The following OPHN1 variants were observed in gnomAD, a reference collection of about 807,000 sequenced individuals.
The protein encoded by OPHN1 is oligophrenin-1.
A neutral mutation model predicts 60.7 loss-of-function variants in OPHN1; 11 were observed. The observed-to-expected ratio is 0.18, with a 90% CI of 0.11 to 0.30. The LOEUF is 0.30. OPHN1 is among the 10% of genes least tolerant of loss of function. The pLI, the probability that OPHN1 is intolerant of heterozygous loss-of-function variation, is 1.00. For missense variants in OPHN1, 449 were observed against 611.0 expected (o/e 0.73, Z 2.80); for synonymous variants, 226 against 222.6 (o/e 1.02, Z -0.14).
intron 18 of OPHN1, among the ~76,000 whole-genome samples, chrX:68,099,010 T>C: frequency 9.0e-6 from 1 of 111,378 alleles, no homozygotes; most frequent in South Asian, 3.9e-4. Flanking sequence ...TGCCTGCTTG[T>C]CTAACTTTTC....
intron 2 of OPHN1, among the ~76,000 whole-genome samples, chrX:68,308,588 T>C (rs1008389246): frequency 9.6e-6 from 1 of 104,275 alleles, no homozygotes; most frequent in African/African-American, 3.7e-5. Context: ...TGAGACCCCA[T>C]CTCACGAAAA....
intron 2 of OPHN1, among the ~76,000 whole-genome samples, chrX:68,332,804 A>G (rs1371436385): frequency 1.1e-5 from 1 of 94,486 alleles, no homozygotes; most frequent in Admixed American, 1.1e-4. Context: ...ATGGAAATTA[A>G]AAAAAAAAAA....
chrX:68,359,403 A>G (rs1268808631), intron 2 of OPHN1, among the ~76,000 whole-genome samples: 1 of 111,464 alleles, frequency 9.0e-6, no homozygotes, highest in African/African-American at 3.3e-5. Flanking sequence ...GTGAGGCAGC[A>G]CAAAAGATCA....
intron 2 of OPHN1, among the ~76,000 whole-genome samples, chrX:68,426,173 T>C (rs1019239298): frequency 1.8e-5 from 2 of 110,017 alleles, no homozygotes; most frequent in Non-Finnish European, 3.8e-5. Context: ...GGGCACAGTG[T>C]CTCACGCCTG....
chrX:68,135,961 G>A (rs1314016079), intron 15 of OPHN1, among the ~76,000 whole-genome samples: 2 of 111,465 alleles, frequency 1.8e-5, no homozygotes, highest in East Asian at 5.6e-4. Context: ...TGCCAAATAA[G>A]AAATTACATA....
chrX:68,101,781 T>C (rs894819252), intron 18 of OPHN1, among the ~76,000 whole-genome samples: 101 of 112,425 alleles, frequency 9.0e-4, no homozygotes, highest in Non-Finnish European at 2.6e-4. Context: ...AATATAGCAA[T>C]GGTTAATCTT....
rs1212608640 is a variant in OPHN1 at position 68,194,079 on chromosome X, C to G, written c.1139-127G>C. ...TTTTTAGTTGCTCATTTCTAGTCAC[C>G]CTTAAATGGAAAGAGTCATTTTTTC... On this transcript the variant is annotated intron_variant, in intron 13 of 24. Transcript: ENST00000355520. 5 of 561,841 alleles carry G rather than the reference C, an allele frequency of 8.9e-6. No homozygotes were observed. In the East Asian group the frequency reaches 1.1e-4, roughly 12 times the overall value. The allele number at this position is 561,841 out of a possible 1,213,427, so 46.3% of individuals were successfully genotyped here. A position where few individuals can be genotyped will look rare whatever the true frequency, so the allele number is the denominator to read the frequency against.
chrX:68,177,991 T>G (rs988936852), intron 15 of OPHN1, among the ~76,000 whole-genome samples: 11 of 111,840 alleles, frequency 9.8e-5, no homozygotes, highest in Non-Finnish European at 1.9e-4. Context: ...ATTATCTCAA[T>G]TAGAAAAGTT....
At chrX:68,274,838 A>G in intron 4 of OPHN1, 29 bp from the exon 5 acceptor site, 6 of 1,075,412 alleles carry the variant, frequency 5.6e-6, no homozygotes, top group Non-Finnish European at 7.7e-6. Context: ...CAAACAAAAC[A>G]ATTTCTAGGT....
chrX:68,194,547 T>C, intron 12 of OPHN1, 49 bp from the exon 13 acceptor site: 1 of 1,014,247 alleles, frequency 9.9e-7, no homozygotes, highest in Non-Finnish European at 1.4e-6. Flanking sequence ...TCAATCAATA[T>C]AGGAAAACAG....
intron 2 of OPHN1, among the ~76,000 whole-genome samples, chrX:68,396,617 C>T (rs2078686085): frequency 9.2e-6 from 1 of 108,775 alleles, no homozygotes; most frequent in African/African-American, 3.3e-5. Context: ...GAGTTTGAGA[C>T]CAGCCTGGCC....
chrX:68,098,312 G>C (rs2077045279), intron 18 of OPHN1, among the ~76,000 whole-genome samples: 1 of 111,781 alleles, frequency 8.9e-6, no homozygotes, highest in African/African-American at 3.3e-5. Flanking sequence ...CCACACAGCA[G>C]GTACTAATGA....
upstream of OPHN1, chrX:68,433,650 G>C (rs2078897519): frequency 6.8e-6 from 2 of 295,998 alleles, no homozygotes; most frequent in Admixed American, 6.1e-5. Flanking sequence ...TCCTGACCAG[G>C]GCCCGCTGGC....
chrX:68,337,065 A>C (rs1177141400), intron 2 of OPHN1, among the ~76,000 whole-genome samples: 1 of 110,762 alleles, frequency 9.0e-6, no homozygotes, highest in Non-Finnish European at 1.9e-5. Context: ...TGTCCCAAAA[A>C]AAAGAAGTAA....
rs765345510 is a variant in OPHN1 at position 68,066,059 on chromosome X, A to G, written c.1835-1882T>C. On this transcript the variant is annotated intron_variant, in intron 20 of 24. Coordinates refer to ENST00000355520, the MANE Select transcript of OPHN1 (RefSeq NM_002547.3). ...TCAAACAAAAAACTACCAAAGGCTC[A>G]CAAATAATGGCATGAACATGAGCAC... 8.9e-5 allele frequency among the ~76,000 whole-genome samples: 10 copies of G among 112,440 alleles called. No individual in the cohort carries two copies. The South Asian group carries it at 3.7e-3, about 42-fold the overall frequency.
intron 2 of OPHN1, among the ~76,000 whole-genome samples, chrX:68,416,033 AATATATATATATATATATATATAT>A (rs1163304135): frequency 3.4e-5 from 1 of 29,775 alleles, no homozygotes; most frequent in Non-Finnish European, 6.8e-5. Flanking sequence ...AAAATTATAT[AATATATATATATATATATATATAT>A]ATATATATAT....
intron 18 of OPHN1, among the ~76,000 whole-genome samples, chrX:68,102,408 C>T (rs6525212): frequency 0.14 from 15,095 of 111,257 alleles, 911 homozygotes; most frequent in East Asian, 0.37. Context: ...ATTAAATGTC[C>T]ACAGGAGAAA....
intron 15 of OPHN1, among the ~76,000 whole-genome samples, chrX:68,179,458 A>T (rs2077427616): frequency 8.9e-6 from 1 of 112,272 alleles, no homozygotes; most frequent in Non-Finnish European, 1.9e-5. Context: ...AGCAAACTTG[A>T]GTCAGATTCC....
Position 68,044,391 on chromosome X carries a change from AAT to A in OPHN1, c.*2779_*2780del, listed in dbSNP as rs2076825944. 1 of 112,790 alleles carries A rather than the reference AAT, an allele frequency of 8.9e-6. No individual in the cohort carries two copies. The highest frequency in any genetic ancestry group is 1.9e-5 in the Non-Finnish European group (1 of 53,396). 9.3% of individuals were successfully genotyped at this position (112,790 alleles called of 1,213,427 possible). A position where few individuals can be genotyped will look rare whatever the true frequency, so the allele number is the denominator to read the frequency against. On this transcript the variant is annotated 3_prime_UTR_variant, in exon 25 of 25. Transcript: ENST00000355520. ...TGGGCCATAATTTCTTTCTCTGTAA[AAT>A]GAGAATACTTGCATGAATATGAAAC...
Sources: gnomAD v4.1 joint callset for allele counts (sites outside exome capture counted in the v4.1 genomes callset) on GRCh38, gnomAD v4.1.1 for gene constraint, MANE v1.5 for transcripts, NCBI Gene and HGNC (gene_info 2026-07-23, HGNC 2026-07-21) for gene names.